MTERF4: variants seen among roughly 807,000 people sequenced by gnomAD.
MTERF4 encodes the protein mitochondrial transcription termination factor 4.
MTERF4 carries 17 observed loss-of-function variants against 22.5 expected under a neutral mutation model. The observed-to-expected ratio is 0.75, with a 90% CI of 0.52 to 1.13. MTERF4 has a LOEUF of 1.13. MTERF4 is among the 50% of genes most tolerant of loss of function. The probability of loss-of-function intolerance (pLI) is 0.00; values close to 1 mark genes in which losing one functional copy is unlikely to be tolerated. For missense variants in MTERF4, 420 were observed against 466.8 expected, an observed-to-expected ratio of 0.90 and a Z score of 0.92; for synonymous variants, 165 against 175.3, an observed-to-expected ratio of 0.94 and a Z score of 0.47.
At chr2:241,063,093 G>C in the MTERF4 span, among the ~76,000 whole-genome samples, 1 of 152,252 alleles carries the variant, frequency 6.6e-6, no homozygotes, top group Admixed American at 6.5e-5. Flanking sequence ...ACCTCCCCAG[G>C]GGAGACTGAG....
chr2:241,090,793 G>A (rs2063909422), downstream of MTERF4, among the ~76,000 whole-genome samples: 1 of 151,362 alleles, frequency 6.6e-6, no homozygotes, highest in Non-Finnish European at 1.5e-5. Flanking sequence ...CTTGAACTTG[G>A]AAGGCAGAGG....
At chr2:241,051,787 C>T in the MTERF4 span, 1 of 1,556,234 alleles carries the variant, frequency 6.4e-7, no homozygotes, top group Non-Finnish European at 8.7e-7. The surrounding 1 kb of genome is among the most constrained non-coding windows in gnomAD (Gnocchi z 4.7). Flanking sequence ...GGAACGGGGG[C>T]ACGTGCAAGG....
chr2:241,050,556 G>A, the MTERF4 span, among the ~76,000 whole-genome samples: 2 of 152,140 alleles, frequency 1.3e-5, no homozygotes, highest in African/African-American at 2.4e-5. Context: ...AGCCTTCCAC[G>A]GCCCCTCCCC....
the MTERF4 span, chr2:241,051,551 C>G: frequency 2.2e-6 from 1 of 454,928 alleles, no homozygotes; most frequent in African/African-American, 2.0e-5. This position sits in a 1 kb window ranked among gnomAD's most constrained non-coding sequence, Gnocchi z 4.7. Context: ...GTTGGGGTCT[C>G]CAGCCTGTGA....
downstream of MTERF4, chr2:241,070,112 G>A: frequency 1.2e-6 from 2 of 1,612,838 alleles, no homozygotes; most frequent in Non-Finnish European, 1.7e-6. Flanking sequence ...CTGCTGCCGG[G>A]ACGGCGGTAC....
downstream of MTERF4, chr2:241,072,115 C>T (rs965411290): frequency 3.6e-5 from 25 of 698,144 alleles, no homozygotes; most frequent in East Asian, 1.9e-4. Flanking sequence ...GGGCTGGAGG[C>T]GCAGGCTGCT....
At chr2:241,070,470 A>AC (rs1185535544), downstream of MTERF4, among the ~76,000 whole-genome samples, 3 of 152,248 alleles carry the variant, frequency 2.0e-5, no homozygotes, top group African/African-American at 7.2e-5. Flanking sequence ...TAGATCCCAG[A>AC]CAGGCCGAGC....
chr2:241,089,346 G>A, downstream of MTERF4: 2 of 1,550,598 alleles, frequency 1.3e-6, no homozygotes, highest in East Asian at 4.9e-5. Flanking sequence ...TTCAAAACAG[G>A]TCTATGTTTT....
rs374305124 is a variant in MTERF4, at chr2:241,081,761, G to A, written n.480-6079C>T. On this transcript the variant is annotated intron_variant and non_coding_transcript_variant, in intron 4 of 4. Transcript: ENST00000464344. ...GCAGACGCCCACAGCTGTGACTGCG[G>A]GCCAGGGTTCAAAGGCAGACGCTGC... is the stretch of plus-strand genomic sequence containing the variant. 64 of 1,602,352 alleles carry A rather than the reference G, an allele frequency of 4.0e-5. No homozygotes were observed. Among genetic ancestry groups the A allele is most frequent in the South Asian group, 1.9e-4 (17 of 88,792 alleles).
At chr2:241,047,290 G>A in the MTERF4 span, among the ~76,000 whole-genome samples, 119 of 152,170 alleles carry the variant, frequency 7.8e-4, 4 homozygotes, top group East Asian at 0.022. Context: ...CGATAGAGGG[G>A]TCAATTCATC....
intron 4 of MTERF4, among the ~76,000 whole-genome samples, chr2:241,081,407 CCTCCTT>C (rs1251710597): frequency 6.6e-6 from 1 of 152,198 alleles, no homozygotes; most frequent in African/African-American, 2.4e-5. Flanking sequence ...TCCTTCTCCT[CCTCCTT>C]GTTTTTGTTT....
At chr2:241,071,654 C>CGCGCCTGCCGGAGCT (rs745702821), downstream of MTERF4, 24 of 1,569,334 alleles carry the variant, frequency 1.5e-5, no homozygotes, top group Non-Finnish European at 1.8e-5. Flanking sequence ...CCGCCCCCGG[C>CGCGCCTGCCGGAGCT]GCGCCTGCCG....
At chr2:241,062,670 C>T in the MTERF4 span, 35 of 743,262 alleles carry the variant, frequency 4.7e-5, no homozygotes, top group African/African-American at 5.9e-4. Context: ...GGTCTCTGGC[C>T]TTTCCAACCA....
At chr2:241,050,060 GATGTGCTGCT>G in the MTERF4 span, 2 of 748,106 alleles carry the variant, frequency 2.7e-6, no homozygotes, top group East Asian at 5.4e-5. Context: ...AGCCTTGCCT[GATGTGCTGCT>G]CTGTTCTGTG....
At chr2:241,078,111 G>T (rs13427392) in intron 4 of MTERF4, among the ~76,000 whole-genome samples, 1 of 152,108 alleles carries the variant, frequency 6.6e-6, no homozygotes, top group Non-Finnish European at 1.5e-5. Flanking sequence ...GTGGCCGGGC[G>T]CGGTGGCTCA....
downstream of MTERF4, chr2:241,092,472 C>A (rs931152988): frequency 6.6e-6 from 1 of 152,086 alleles, no homozygotes; most frequent in African/African-American, 2.4e-5. This position sits in a 1 kb window ranked among gnomAD's most constrained non-coding sequence, Gnocchi z 4.6. Context: ...ATTTGGTGAA[C>A]CCTGTTCTAT....
In MTERF4 at chr2:241,099,599, T is replaced by C; in HGVS notation, c.317A>G (p.Asn106Ser). 2.5e-6 allele frequency: 4 copies of C among 1,614,194 alleles called. No homozygotes were observed. In the Middle Eastern group the frequency reaches 6.6e-4, roughly 266 times the overall value. ...ACTGAGCAATTCATTAATATGGGCA[T>C]TGCTGAAACCCATGTCCAGGAGGGA... Reference protein sequence around the residue: ...MSSLLDMGFSNAHINELLSVR... With the variant: ...MSSLLDMGFSSAHINELLSVR... Residue 106 changes from asparagine to serine, a missense_variant, in exon 2 of 4, where the codon AAT (asparagine) becomes AGT (serine). Transcript: ENST00000391980.
the MTERF4 span, chr2:241,049,130 G>C: frequency 6.2e-7 from 1 of 1,611,242 alleles, no homozygotes; most frequent in Non-Finnish European, 8.5e-7. Context: ...CACAATGCCA[G>C]CCACTGTGAG....
At chr2:241,048,815 A>AT in the MTERF4 span, 8 of 1,462,642 alleles carry the variant, frequency 5.5e-6, no homozygotes, top group South Asian at 9.6e-5. Flanking sequence ...CATCCTCATA[A>AT]TCGGGAAATG....
Sources: gnomAD v4.1 joint callset for allele counts (sites outside exome capture counted in the v4.1 genomes callset) on GRCh38, gnomAD v4.1.1 for gene constraint, Gnocchi (gnomAD v3.1) non-coding constraint, MANE v1.5 for transcripts, NCBI Gene and HGNC (gene_info 2026-07-23, HGNC 2026-07-21) for gene names.